The following SLC35F1 variants were observed in gnomAD, a reference collection of about 807,000 sequenced individuals.
SLC35F1 encodes the protein solute carrier family 35 member F1.
In SLC35F1, 14 loss-of-function variants were observed where a neutral mutation model predicts 48.7. The ratio of observed to expected loss-of-function variants is 0.29; its 90% CI spans 0.19 to 0.45. The LOEUF (loss-of-function observed/expected upper bound fraction) is 0.45, where lower values mean the gene tolerates loss of function less well. SLC35F1 is among the 20% of genes least tolerant of loss of function. The pLI is 1.00. For synonymous variants in SLC35F1, 190 were observed against 202.2 expected (o/e 0.94, Z 0.51); for missense variants, 404 against 500.0 (o/e 0.81, Z 1.83).
At chr6:118,155,850 A>G (rs1315365530) in intron 2 of SLC35F1, among the ~76,000 whole-genome samples, 2 of 152,226 alleles carry the variant, frequency 1.3e-5, no homozygotes, top group African/African-American at 4.8e-5. Context: ...CAATAGTCAC[A>G]CTTTTAGGAA....
intron 1 of SLC35F1, among the ~76,000 whole-genome samples, chr6:117,966,331 A>G (rs1171855040): frequency 6.6e-6 from 1 of 152,132 alleles, no homozygotes; most frequent in African/African-American, 2.4e-5. Flanking sequence ...CGAGACCACG[A>G]ACCCACCGGC....
chr6:118,188,661 C>A (rs1333148684), intron 2 of SLC35F1, among the ~76,000 whole-genome samples: 5 of 151,912 alleles, frequency 3.3e-5, no homozygotes, highest in Non-Finnish European at 1.5e-5. Context: ...AAAACAAGAT[C>A]TTTTAAGGCT....
chr6:118,280,368 C>T (rs1052781966), intron 6 of SLC35F1, among the ~76,000 whole-genome samples: 11 of 152,126 alleles, frequency 7.2e-5, no homozygotes, highest in African/African-American at 2.7e-4. Context: ...ATGTGAAAGT[C>T]AAATGTCAGA....
At chr6:118,130,515 A>G (rs962724311) in intron 1 of SLC35F1, among the ~76,000 whole-genome samples, 1 of 152,114 alleles carries the variant, frequency 6.6e-6, no homozygotes, top group Non-Finnish European at 1.5e-5. Flanking sequence ...TAACAAAAAA[A>G]CTGGTTTACT....
chr6:118,174,780 A>G (rs781414583), intron 2 of SLC35F1, among the ~76,000 whole-genome samples: 1 of 152,174 alleles, frequency 6.6e-6, no homozygotes, highest in Non-Finnish European at 1.5e-5. Flanking sequence ...AAAGAAAAAG[A>G]AAACCTTGAA....
intron 2 of SLC35F1, among the ~76,000 whole-genome samples, chr6:118,164,649 T>C (rs144289032): frequency 3.3e-5 from 5 of 152,324 alleles, no homozygotes; most frequent in Admixed American, 2.0e-4. Flanking sequence ...CTGAATATAA[T>C]ATGCCATCAT....
chr6:118,120,334 C>T (rs551336417), intron 1 of SLC35F1, among the ~76,000 whole-genome samples: 7 of 152,212 alleles, frequency 4.6e-5, no homozygotes, highest in East Asian at 1.9e-4. Context: ...AACTAACTGC[C>T]GTCTCATCAC....
At chr6:117,922,133 T>C (rs1244355865) in intron 1 of SLC35F1, among the ~76,000 whole-genome samples, 1 of 152,198 alleles carries the variant, frequency 6.6e-6, no homozygotes, top group Non-Finnish European at 1.5e-5. Context: ...TTCCACAGCC[T>C]GGTATATTCC....
chr6:118,217,626 C>G (rs140170585), intron 2 of SLC35F1, among the ~76,000 whole-genome samples: 1 of 152,002 alleles, frequency 6.6e-6, no homozygotes, highest in Non-Finnish European at 1.5e-5. Flanking sequence ...GTAAATGTTA[C>G]GCTGTGTATA....
chr6:118,142,179 G>C (rs1224190482), intron 1 of SLC35F1, among the ~76,000 whole-genome samples: 3 of 152,066 alleles, frequency 2.0e-5, no homozygotes, highest in African/African-American at 7.2e-5. Context: ...TAAAAAGGTT[G>C]AGCTTTTTAT....
intron 1 of SLC35F1, among the ~76,000 whole-genome samples, chr6:118,074,978 G>A (rs1348862055): frequency 2.6e-5 from 4 of 152,174 alleles, no homozygotes; most frequent in Admixed American, 6.5e-5. Context: ...ACATTTGGGG[G>A]TCTGTGTGCT....
chr6:118,049,534 C>T (rs1279961856), intron 1 of SLC35F1, among the ~76,000 whole-genome samples: 1 of 151,472 alleles, frequency 6.6e-6, no homozygotes, highest in Non-Finnish European at 1.5e-5. Context: ...AACAAACAAC[C>T]CCATCAAAAA....
At chr6:118,037,810 A>G (rs1772156019) in intron 1 of SLC35F1, among the ~76,000 whole-genome samples, 1 of 149,086 alleles carries the variant, frequency 6.7e-6, no homozygotes, top group Non-Finnish European at 1.5e-5. Flanking sequence ...ATAAACGGGA[A>G]TTGAACAATG....
chr6:118,022,483 G>A (rs969358702), intron 1 of SLC35F1, among the ~76,000 whole-genome samples: 1 of 152,174 alleles, frequency 6.6e-6, no homozygotes, highest in African/African-American at 2.4e-5. Flanking sequence ...GAAGACTGAA[G>A]AAGGACCAGG....
chr6:118,118,779 G>T (rs1773507563), intron 1 of SLC35F1, among the ~76,000 whole-genome samples: 1 of 152,152 alleles, frequency 6.6e-6, no homozygotes, highest in South Asian at 2.1e-4. Context: ...AGGGCTGGGA[G>T]CTAAGGAGCC....
At chr6:118,140,878 A>G (rs1181184992) in intron 1 of SLC35F1, among the ~76,000 whole-genome samples, 1 of 133,806 alleles carries the variant, frequency 7.5e-6, no homozygotes, top group Non-Finnish European at 1.8e-5. Context: ...AGCTTATAGA[A>G]TAAGTATATA....
intron 7 of SLC35F1, among the ~76,000 whole-genome samples, chr6:118,313,571 A>G (rs1318464102): frequency 6.6e-6 from 1 of 152,216 alleles, no homozygotes; most frequent in Non-Finnish European, 1.5e-5. Context: ...ATTAAGGTGA[A>G]ATGAGAGTGC....
chr6:118,152,707 C>T (rs1420253985), intron 1 of SLC35F1, among the ~76,000 whole-genome samples: 2 of 151,700 alleles, frequency 1.3e-5, no homozygotes, highest in East Asian at 3.8e-4. Flanking sequence ...TCCCCTCCCC[C>T]ACATTCTGTT....
chr6:117,956,290 A>G (rs1223910140), intron 1 of SLC35F1, among the ~76,000 whole-genome samples: 1 of 152,218 alleles, frequency 6.6e-6, no homozygotes, highest in African/African-American at 2.4e-5. Flanking sequence ...TGTCTCCAGC[A>G]TTCACAGCCT....
Sources: gnomAD v4.1 joint callset for allele counts (sites outside exome capture counted in the v4.1 genomes callset) on GRCh38, gnomAD v4.1.1 for gene constraint, MANE v1.5 for transcripts, NCBI Gene and HGNC (gene_info 2026-07-23, HGNC 2026-07-21) for gene names.